The following DLGAP4 variants were observed in gnomAD, a reference collection of about 807,000 sequenced individuals.
DLGAP4 encodes the protein disks large-associated protein 4.
DLGAP4 carries 18 observed loss-of-function variants against 86.9 expected under a neutral mutation model. The observed-to-expected ratio is 0.21, with a 90% CI of 0.14 to 0.31. The LOEUF is 0.31. DLGAP4 is among the 10% of genes least tolerant of loss of function. The pLI is 1.00. For missense variants in DLGAP4, 1,085 were observed against 1,362.6 expected (o/e 0.80, Z 3.21); for synonymous variants, 548 against 574.3 (o/e 0.95, Z 0.65).
intron 7 of DLGAP4, among the ~76,000 whole-genome samples, chr20:36,458,591 C>T (rs1286981059): frequency 3.3e-5 from 5 of 151,644 alleles, no homozygotes; most frequent in African/African-American, 9.7e-5. Flanking sequence ...CCCAGCTACT[C>T]GGGAGGCTGA....
intron 7 of DLGAP4, among the ~76,000 whole-genome samples, chr20:36,476,283 C>A (rs1214770846): frequency 2.0e-5 from 3 of 151,452 alleles, no homozygotes; most frequent in Non-Finnish European, 4.4e-5. Context: ...AACACTAACT[C>A]CCCATTACCC....
chr20:36,378,899 C>T (rs530027053), intron 2 of DLGAP4, among the ~76,000 whole-genome samples: 2 of 152,192 alleles, frequency 1.3e-5, no homozygotes, highest in Non-Finnish European at 2.9e-5. Context: ...TTCAGCACCT[C>T]CTGAGTGAGC....
At chr20:36,441,714 TC>T (rs1435525315) in intron 5 of DLGAP4, among the ~76,000 whole-genome samples, 1 of 151,976 alleles carries the variant, frequency 6.6e-6, no homozygotes, top group African/African-American at 2.4e-5. Flanking sequence ...AGTCTTCCTG[TC>T]TGTGTCTGTC....
intron 7 of DLGAP4, among the ~76,000 whole-genome samples, chr20:36,449,612 G>A (rs1171097585): frequency 6.6e-6 from 1 of 152,158 alleles, no homozygotes; most frequent in African/African-American, 2.4e-5. Flanking sequence ...GTGGGTGAAG[G>A]ATAACATCCC....
intron 2 of DLGAP4, among the ~76,000 whole-genome samples, chr20:36,421,580 T>C (rs1170259467): frequency 6.7e-6 from 1 of 149,080 alleles, no homozygotes; most frequent in Non-Finnish European, 1.5e-5. Context: ...GCTGTGGAGG[T>C]GGTAGGTGGA....
Position 36,393,131 on chromosome 20 carries a change from C to T in DLGAP4, c.-73+25856C>T, listed in dbSNP as rs2031838936. Among the ~76,000 whole-genome samples, 1 of 151,844 alleles carries T rather than the reference C, an allele frequency of 6.6e-6. No individual in the cohort carries two copies. Among genetic ancestry groups the T allele is most frequent in the Non-Finnish European group, 1.5e-5 (1 of 67,974 alleles). On this transcript the variant is annotated intron_variant, in intron 2 of 12. Coordinates refer to ENST00000339266, the MANE Select transcript of DLGAP4 (RefSeq NM_001365621.2). This position sits in a 1 kb window ranked among gnomAD's most constrained non-coding sequence, Gnocchi z 4.4. ...TGAGGGGTTTGGTTTTGGTCAAGAG[C>T]TCAGGGGTGAGACTAGGGTGGGACT...
In DLGAP4 at chr20:36,527,266, CTT is replaced by C. The variant is rs200995929; in HGVS notation, c.*243_*244del. On this transcript the variant is annotated 3_prime_UTR_variant, in exon 13 of 13. Coordinates refer to ENST00000339266, the MANE Select transcript of DLGAP4 (RefSeq NM_001365621.2). ...CAACAAAAATCACGAAACTAGAAAACTTTTTTTTTCCTCTTGCTGGCCGTGGT... is the reference window on the plus strand; with the variant it reads ...CAACAAAAATCACGAAACTAGAAAACTTTTTTTCCTCTTGCTGGCCGTGGT... 2.2e-4 allele frequency: 95 copies of C among 432,928 alleles called. 1 individual carries two copies. The highest frequency in any genetic ancestry group is 3.5e-4 in the Non-Finnish European group (86 of 244,938). 26.8% of individuals were successfully genotyped at this position (432,928 alleles called of 1,614,324 possible). A position where few individuals can be genotyped will look rare whatever the true frequency, so the allele number is the denominator to read the frequency against.
chr20:36,315,572 C>G (rs1261735041), intron 1 of DLGAP4, among the ~76,000 whole-genome samples: 1 of 152,026 alleles, frequency 6.6e-6, no homozygotes, highest in African/African-American at 2.4e-5. Flanking sequence ...GATGGTCTGC[C>G]CTGGCCGCAG....
At chr20:36,382,327 C>T (rs907013705) in intron 2 of DLGAP4, among the ~76,000 whole-genome samples, 3 of 148,502 alleles carry the variant, frequency 2.0e-5, no homozygotes, top group African/African-American at 4.9e-5. Context: ...TCAAATAATC[C>T]GGCTGCCTTA....
intron 5 of DLGAP4, among the ~76,000 whole-genome samples, chr20:36,440,314 G>A (rs1217913436): frequency 1.3e-5 from 2 of 152,186 alleles, no homozygotes; most frequent in African/African-American, 2.4e-5. Context: ...AAGTGGGATC[G>A]TGAAGGCGGT....
intron 7 of DLGAP4, chr20:36,462,336 T>A (rs1307581360): frequency 2.2e-6 from 3 of 1,360,214 alleles, no homozygotes; most frequent in Non-Finnish European, 2.8e-6. Flanking sequence ...CGGGGTCCCC[T>A]GCTTTGCTCT....
intron 1 of DLGAP4, among the ~76,000 whole-genome samples, chr20:36,339,308 G>A (rs1007990614): frequency 6.6e-6 from 1 of 152,044 alleles, no homozygotes; most frequent in Non-Finnish European, 1.5e-5. Flanking sequence ...GGCTGGTCCC[G>A]AACTCCTGAC....
chr20:36,454,911 C>A (rs536765804), intron 7 of DLGAP4, among the ~76,000 whole-genome samples: 2 of 152,288 alleles, frequency 1.3e-5, no homozygotes, highest in Non-Finnish European at 2.9e-5. Context: ...TCTCCCTCCC[C>A]CTGTCTGACC....
chr20:36,387,997 G>A (rs142538510), intron 2 of DLGAP4, among the ~76,000 whole-genome samples: 3,940 of 152,196 alleles, frequency 0.026, 79 homozygotes, highest in Middle Eastern at 0.068. Context: ...TTGAGCACCC[G>A]TCATCCAGTC....
chr20:36,394,993 G>T (rs1001559908), intron 2 of DLGAP4, among the ~76,000 whole-genome samples: 3 of 152,016 alleles, frequency 2.0e-5, no homozygotes, highest in African/African-American at 7.2e-5. Flanking sequence ...CCCTAGAGCT[G>T]CCCCCTCCTC....
Position 36,496,900 on chromosome 20 carries a change from G to A in DLGAP4, c.1844G>A (p.Ser615Asn), listed in dbSNP as rs1171730646. ...LSNSSDSLDS[S>N]TRPPSVTRGG... ...AACTCGTCGGACAGCCTGGACAGCA[G>A]TACCCGACCGCCCAGCGTGACACGG... Residue 615 changes from serine to asparagine, a missense_variant, in exon 8 of 13, where the codon AGT becomes AAT. Ser to Asn is a conservative substitution (Grantham distance 46). Around this residue, in one of 2 missense-constraint regions of DLGAP4, gnomAD observed 1,082 missense variants for 1,344.1 expected, o/e 0.81. Coordinates refer to ENST00000339266, the MANE Select transcript of DLGAP4 (RefSeq NM_001365621.2). 6 of 1,614,090 alleles carry A rather than the reference G, an allele frequency of 3.7e-6. No individual in the cohort carries two copies. The East Asian group carries it at 1.3e-4, about 36-fold the overall frequency.
chr20:36,449,105 G>A (rs1013688198), intron 7 of DLGAP4, among the ~76,000 whole-genome samples: 2 of 152,128 alleles, frequency 1.3e-5, no homozygotes, highest in African/African-American at 2.4e-5. Context: ...GTCTGGCATC[G>A]GGACTCTCTG....
At chr20:36,310,080 T>C (rs2065038640) in intron 1 of DLGAP4, among the ~76,000 whole-genome samples, 1 of 151,248 alleles carries the variant, frequency 6.6e-6, no homozygotes, top group Non-Finnish European at 1.5e-5. Flanking sequence ...ATGCTTGTAA[T>C]CCCAGCACTT....
chr20:36,414,207 C>A (rs1056968931), intron 2 of DLGAP4, among the ~76,000 whole-genome samples: 1 of 152,218 alleles, frequency 6.6e-6, no homozygotes, highest in Admixed American at 6.5e-5. Context: ...AGCACAACAA[C>A]AAACCCTGCT....
Sources: gnomAD v4.1 joint callset for allele counts (sites outside exome capture counted in the v4.1 genomes callset) on GRCh38, gnomAD v4.1.1 for gene constraint, gnomAD v4.1.1 regional missense constraint, Gnocchi (gnomAD v3.1) non-coding constraint, MANE v1.5 for transcripts, NCBI Gene and HGNC (gene_info 2026-07-23, HGNC 2026-07-21) for gene names.